CNTN5: variants seen among roughly 807,000 people sequenced by gnomAD.
The protein encoded by CNTN5 is contactin 5.
In CNTN5, 77 loss-of-function variants were observed where a neutral mutation model predicts 129.1. The observed-to-expected ratio is 0.60, with a 90% CI of 0.50 to 0.72. The LOEUF (loss-of-function observed/expected upper bound fraction) is 0.72, where lower values mean the gene tolerates loss of function less well. CNTN5 is among the 30% of genes least tolerant of loss of function. The probability of loss-of-function intolerance (pLI) is 0.00; values close to 1 mark genes in which losing one functional copy is unlikely to be tolerated. For missense variants in CNTN5, 1,478 were observed against 1,328.8 expected (o/e 1.11, Z -1.75); for synonymous variants, 509 against 465.6 (o/e 1.09, Z -1.20).
chr11:99,782,899 A>G (rs913201575), intron 3 of CNTN5, among the ~76,000 whole-genome samples: 4 of 151,880 alleles, frequency 2.6e-5, no homozygotes, highest in Non-Finnish European at 4.4e-5. Context: ...AGGCATTACC[A>G]TTCAGGACAT....
intron 8 of CNTN5, among the ~76,000 whole-genome samples, chr11:99,959,375 C>G (rs777760274): frequency 6.6e-6 from 1 of 152,140 alleles, no homozygotes; most frequent in Non-Finnish European, 1.5e-5. Context: ...TGTACCTTAT[C>G]AAATCATCTT....
intron 9 of CNTN5, among the ~76,000 whole-genome samples, chr11:100,025,159 C>T (rs1246150152): frequency 6.6e-6 from 1 of 152,178 alleles, no homozygotes; most frequent in Non-Finnish European, 1.5e-5. Context: ...TTTGTGCTGT[C>T]TTAGGACTTG....
At chr11:99,859,322 G>A (rs1948136709) in intron 6 of CNTN5, among the ~76,000 whole-genome samples, 2 of 152,030 alleles carry the variant, frequency 1.3e-5, no homozygotes, top group Non-Finnish European at 2.9e-5. Flanking sequence ...GCACATTTAG[G>A]CCATCCTTTT....
At chr11:100,032,901 T>C (rs1202383946) in intron 9 of CNTN5, among the ~76,000 whole-genome samples, 1 of 152,174 alleles carries the variant, frequency 6.6e-6, no homozygotes, top group Non-Finnish European at 1.5e-5. Flanking sequence ...AGTTCCATTA[T>C]TTTAATAGAA....
At chr11:99,151,931 G>C (rs1001525620) in intron 1 of CNTN5, among the ~76,000 whole-genome samples, 2 of 152,094 alleles carry the variant, frequency 1.3e-5, no homozygotes, top group Non-Finnish European at 2.9e-5. Context: ...ATGACGGGTT[G>C]ATGGGTGCAG....
intron 3 of CNTN5, among the ~76,000 whole-genome samples, chr11:99,567,737 A>C (rs1949053129): frequency 6.6e-6 from 1 of 152,114 alleles, no homozygotes; most frequent in South Asian, 2.1e-4. Context: ...GTCCCTGGGG[A>C]AGTTATGATG....
intron 3 of CNTN5, among the ~76,000 whole-genome samples, chr11:99,582,809 C>T (rs548070204): frequency 1.3e-5 from 2 of 152,328 alleles, no homozygotes; most frequent in African/African-American, 4.8e-5. Flanking sequence ...CTTCTGAAGC[C>T]TTCCTCTCTC....
Position 99,382,845 on chromosome 11 carries a change from C to CTTTTTTTTTTTTTTTTTT in CNTN5, c.-71+57374_-71+57391dup, listed in dbSNP as rs1163660333. Among the ~76,000 whole-genome samples the CTTTTTTTTTTTTTTTTTT allele has an allele frequency of 8.6e-4, 66 of 77,026 alleles. 14 individuals carry two copies. The highest frequency in any genetic ancestry group is 1.1e-3 in the Non-Finnish European group (53 of 46,718). 50.5% of individuals were successfully genotyped at this position (77,026 alleles called of 152,430 possible). ...ACATCTCACTAGTGTCTCTAAATAACTTTTTTTTTTTTTTTTTTTTTTTTT... is the reference window on the plus strand; with the variant it reads ...ACATCTCACTAGTGTCTCTAAATAACTTTTTTTTTTTTTTTTTTTTTTTTTTTTTTTTTTTTTTTTTTT... On this transcript the variant is annotated intron_variant, in intron 2 of 24. Transcript: ENST00000524871.
At chr11:99,837,233 A>C (rs1202666319) in intron 4 of CNTN5, among the ~76,000 whole-genome samples, 1 of 152,186 alleles carries the variant, frequency 6.6e-6, no homozygotes, top group African/African-American at 2.4e-5. Flanking sequence ...TTCTTAATGA[A>C]ATTACATCTT....
chr11:100,261,046 C>A (rs756790144), intron 17 of CNTN5, among the ~76,000 whole-genome samples: 15 of 151,964 alleles, frequency 9.9e-5, no homozygotes, highest in Non-Finnish European at 1.9e-4. Flanking sequence ...TTTAGAAAAC[C>A]CCATTGTCTC....
chr11:99,400,390 A>G (rs1418134836), intron 2 of CNTN5, among the ~76,000 whole-genome samples: 1 of 152,132 alleles, frequency 6.6e-6, no homozygotes, highest in Admixed American at 6.6e-5. Context: ...TGCTTATCAA[A>G]TGGTGAGAAT....
intron 21 of CNTN5, among the ~76,000 whole-genome samples, chr11:100,319,529 A>G (rs964771938): frequency 4.6e-5 from 7 of 152,218 alleles, no homozygotes; most frequent in Non-Finnish European, 1.0e-4. Flanking sequence ...ACATCATACA[A>G]TGACTAAATC....
At chr11:99,201,351 T>TTCCCTCCTTCCTTCC (rs59358470) in intron 1 of CNTN5, among the ~76,000 whole-genome samples, 4 of 88,154 alleles carry the variant, frequency 4.5e-5, no homozygotes, top group African/African-American at 5.0e-5. Context: ...CTTCCTTTCC[T>TTCCCTCCTTCCTTCC]TTCCTTCCTT....
At chr11:99,978,310 C>G (rs1401816946) in intron 8 of CNTN5, among the ~76,000 whole-genome samples, 1 of 152,042 alleles carries the variant, frequency 6.6e-6, no homozygotes, top group Admixed American at 6.6e-5. Flanking sequence ...TTACAGTAAA[C>G]TAAGGTTCAT....
chr11:99,900,614 T>C (rs1949331509), intron 6 of CNTN5, among the ~76,000 whole-genome samples: 1 of 152,138 alleles, frequency 6.6e-6, no homozygotes, highest in Non-Finnish European at 1.5e-5. Context: ...ATTTATGTAA[T>C]AGATATTTCT....
intron 18 of CNTN5, among the ~76,000 whole-genome samples, chr11:100,297,020 C>T (rs1951112070): frequency 6.6e-6 from 1 of 151,522 alleles, no homozygotes; most frequent in South Asian, 2.1e-4. Context: ...TCCTTTGACA[C>T]ATTTATTCTT....
intron 1 of CNTN5, among the ~76,000 whole-genome samples, chr11:99,232,059 G>T (rs996179125): frequency 5.3e-5 from 8 of 152,168 alleles, no homozygotes; most frequent in African/African-American, 1.9e-4. Flanking sequence ...TAGCCTTGTA[G>T]TATAGTTTGA....
chr11:99,714,227 T>C (rs1955123338), intron 3 of CNTN5, among the ~76,000 whole-genome samples: 1 of 151,940 alleles, frequency 6.6e-6, no homozygotes, highest in Admixed American at 6.6e-5. Context: ...AGTAGCTCTG[T>C]AGTATTTTAC....
At chr11:99,274,691 T>C (rs1863342898) in intron 1 of CNTN5, among the ~76,000 whole-genome samples, 1 of 151,674 alleles carries the variant, frequency 6.6e-6, no homozygotes, top group African/African-American at 2.4e-5. Context: ...ATGCTTCTTA[T>C]AGTTTGTGTG....
Sources: gnomAD v4.1 joint callset for allele counts (sites outside exome capture counted in the v4.1 genomes callset) on GRCh38, gnomAD v4.1.1 for gene constraint, MANE v1.5 for transcripts, NCBI Gene and HGNC (gene_info 2026-07-23, HGNC 2026-07-21) for gene names.